FCRL1: variants seen among roughly 807,000 people sequenced by gnomAD.
The protein encoded by FCRL1 is Fc receptor like 1.
In FCRL1, 34 loss-of-function variants were observed where a neutral mutation model predicts 49.2. The observed-to-expected ratio is 0.69, with a 90% CI of 0.53 to 0.92. The LOEUF is 0.92. Among genes scored for constraint, FCRL1 ranks in the 40% least tolerant of loss-of-function variants. The pLI, the probability that FCRL1 is intolerant of heterozygous loss-of-function variation, is 0.00. For missense variants in FCRL1, 524 were observed against 524.1 expected (o/e 1.00, Z 0.00); for synonymous variants, 218 against 201.6 (o/e 1.08, Z -0.69).
rs1651403206 is a variant in FCRL1 at position 157,795,995 on chromosome 1, A to T, written c.*104T>A. On this transcript the variant is annotated 3_prime_UTR_variant, in exon 11 of 11. Coordinates refer to ENST00000368176, the MANE Select transcript of FCRL1 (RefSeq NM_052938.5). ...TAGTGCCATGGAGAATGGCATCCAG[A>T]AGAGGTATACTGGAAAGCTAATGCC... is the stretch of plus-strand genomic sequence containing the variant. 1 of 939,238 alleles carries T rather than the reference A, an allele frequency of 1.1e-6. No homozygotes were observed. Among genetic ancestry groups the T allele is most frequent in the Non-Finnish European group, 1.7e-6 (1 of 577,126 alleles). The allele number at this position is 939,238 out of a possible 1,614,324, so 58.2% of individuals were successfully genotyped here.
chr1:157,808,601 G>A (rs2101876722), intron 1 of FCRL1, among the ~76,000 whole-genome samples: 1 of 152,292 alleles, frequency 6.6e-6, no homozygotes, highest in South Asian at 2.1e-4. Flanking sequence ...TTATGGACTT[G>A]GCAATAGTTT....
rs1328444271 is a variant in FCRL1 at position 157,800,069 on chromosome 1, C to T, written c.1020G>A (p.Arg340=). 2 of 1,613,222 alleles carry T rather than the reference C, an allele frequency of 1.2e-6. No homozygotes were observed. Among genetic ancestry groups the T allele is most frequent in the Non-Finnish European group, 1.7e-6 (2 of 1,179,472 alleles). The change falls in exon 7 of 11, where the codon AGG becomes AGA. Residue 340 remains arginine, a synonymous_variant. Coordinates refer to ENST00000368176, the MANE Select transcript of FCRL1 (RefSeq NM_052938.5). ...LKRKIGRRSA[R]DPLRSLPSPL... ...AAAACAGGCCTCACCTGAGTGGATCCCTGGCTGAACGTCTTCCTGAAAGAA... is the reference window on the plus strand; with the variant it reads ...AAAACAGGCCTCACCTGAGTGGATCTCTGGCTGAACGTCTTCCTGAAAGAA...
intron 1 of FCRL1, 79 bp from the exon 2 acceptor site, chr1:157,807,201 C>T: frequency 1.3e-6 from 2 of 1,481,564 alleles, no homozygotes; most frequent in Non-Finnish European, 1.9e-6. Flanking sequence ...TTGAGAGCTT[C>T]CCCAACACCA....
chr1:157,808,481 G>A (rs542184192), intron 1 of FCRL1, among the ~76,000 whole-genome samples: 191 of 152,286 alleles, frequency 1.3e-3, no homozygotes, highest in African/African-American at 4.4e-3. Context: ...GAGGAAATAC[G>A]CTTGTACAAG....
At chr1:157,814,005 G>A (rs1404691879) in intron 1 of FCRL1, among the ~76,000 whole-genome samples, 1 of 152,086 alleles carries the variant, frequency 6.6e-6, no homozygotes, top group African/African-American at 2.4e-5. Context: ...CAGAAATGAA[G>A]GAGAGATAAA....
chr1:157,819,494 C>T (rs1431285826), intron 1 of FCRL1, among the ~76,000 whole-genome samples: 11 of 151,782 alleles, frequency 7.2e-5, no homozygotes, highest in Admixed American at 7.2e-4. Context: ...AAAAGTAGCC[C>T]TGGGGTAATT....
chr1:157,807,520 C>G (rs1425917098), intron 1 of FCRL1, among the ~76,000 whole-genome samples: 1 of 152,126 alleles, frequency 6.6e-6, no homozygotes, highest in Non-Finnish European at 1.5e-5. Context: ...ATTCCCATTC[C>G]CACCGCCTCC....
chr1:157,819,958 G>T (rs934706411), intron 1 of FCRL1, 49 bp downstream of exon 1: 14 of 1,611,264 alleles, frequency 8.7e-6, no homozygotes, highest in Non-Finnish European at 1.2e-5. Flanking sequence ...AGGAAGCAGA[G>T]CCCAAGCATG....
At position 157,797,902 on chromosome 1, in the gene FCRL1, C is replaced by T. The variant is rs376569181; in HGVS notation, c.1152G>A (p.Ala384=). ...ATTCCTGCTCCGGCTGGTTATAGTA[C>T]GCCAGTGAATAAACCTCATCCCCAC... ...VVSGDEVYSL[A]YYNQPEQESV... is the part of the protein sequence containing the mutation. The change falls in exon 9 of 11, where the codon GCG becomes GCA. Residue 384 remains alanine, a synonymous_variant. Coordinates refer to ENST00000368176, the MANE Select transcript of FCRL1 (RefSeq NM_052938.5). 1.9e-5 allele frequency: 30 copies of T among 1,614,024 alleles called. No individual in the cohort carries two copies. The highest frequency in any genetic ancestry group is 6.7e-5 in the East Asian group (3 of 44,894).
At chr1:157,819,729 A>T (rs1655532964) in intron 1 of FCRL1, among the ~76,000 whole-genome samples, 1 of 152,166 alleles carries the variant, frequency 6.6e-6, no homozygotes, top group African/African-American at 2.4e-5. Flanking sequence ...AGCTGTTGAA[A>T]ACACTGAGAA....
chr1:157,818,545 T>C (rs1655361020), intron 1 of FCRL1, among the ~76,000 whole-genome samples: 1 of 152,028 alleles, frequency 6.6e-6, no homozygotes, highest in Admixed American at 6.6e-5. Flanking sequence ...TCAAGGGATA[T>C]ATAATTACAG....
chr1:157,813,092 G>A (rs909616188), intron 1 of FCRL1, among the ~76,000 whole-genome samples: 8 of 152,118 alleles, frequency 5.3e-5, no homozygotes, highest in African/African-American at 1.9e-4. Context: ...CGGCACCCTA[G>A]GATCAATCTG....
rs755622394 is a variant in FCRL1, at chr1:157,797,926, A to T, written c.1128T>A (p.Ser376Arg). The T allele has an allele frequency of 2.4e-5, 38 of 1,613,940 alleles. No homozygotes were observed. The highest frequency in any genetic ancestry group is 3.1e-5 in the Non-Finnish European group (36 of 1,180,002). The change falls in exon 9 of 11, where the codon AGT (serine) becomes AGA (arginine). Residue 376 changes from serine to arginine, a missense_variant. Transcript: ENST00000368176. ...QPIYENVNVV[S>R]GDEVYSLAYY... is the part of the protein sequence containing the mutation. ...ACGCCAGTGAATAAACCTCATCCCC[A>T]CTTACAACATTCACTGCAAGAGAAG...
intron 1 of FCRL1, 99 bp downstream of exon 1, chr1:157,819,908 C>T: frequency 7.0e-7 from 1 of 1,435,296 alleles, no homozygotes; most frequent in Non-Finnish European, 9.8e-7. Context: ...TGAGCATTAC[C>T]TGACAGAACC....
At chr1:157,819,657 G>A (rs932923714) in intron 1 of FCRL1, among the ~76,000 whole-genome samples, 7 of 152,018 alleles carry the variant, frequency 4.6e-5, no homozygotes, top group South Asian at 2.1e-4. Context: ...AGGAAATAAC[G>A]TTGGTAGTAA....
chr1:157,819,437 T>C (rs1370180079), intron 1 of FCRL1, among the ~76,000 whole-genome samples: 2 of 152,158 alleles, frequency 1.3e-5, no homozygotes, highest in Non-Finnish European at 2.9e-5. Context: ...GAATCTGAGC[T>C]GAGCACCATG....
At chr1:157,816,193 T>C (rs1300520186) in intron 1 of FCRL1, among the ~76,000 whole-genome samples, 1 of 151,814 alleles carries the variant, frequency 6.6e-6, no homozygotes, top group African/African-American at 2.4e-5. Flanking sequence ...GATGTGCAAA[T>C]TCTCAACAAA....
chr1:157,796,123 A>T lies in FCRL1; in HGVS notation c.1266T>A (p.Asp422Glu). 6.2e-7 allele frequency: 1 copy of T among 1,614,070 alleles called. No individual in the cohort carries two copies. The highest frequency in any genetic ancestry group is 8.5e-7 in the Non-Finnish European group (1 of 1,179,942). The change falls in exon 11 of 11, where the codon GAT becomes GAA. Residue 422 changes from aspartate to glutamate, a missense_variant. Transcript: ENST00000368176. ...CTTACATAGCATCTTCATAGTCCAC[A>T]TCTGTAATGTTTGCTTTCCTCAGCC... ...YSRLRKANIT[D>E]VDYEDAM
Position 157,797,942 on chromosome 1 carries a change from G to T in FCRL1, c.1115-3C>A. The T allele has an allele frequency of 6.2e-7, 1 of 1,614,040 alleles. No homozygotes were observed. The highest frequency in any genetic ancestry group is 8.5e-7 in the Non-Finnish European group (1 of 1,179,892). ...CTCATCCCCACTTACAACATTCACT[G>T]CAAGAGAAGGAGGGAGACTTCATGA... On this transcript the variant is annotated splice_polypyrimidine_tract_variant and splice_region_variant and intron_variant, in intron 8 of 10. Transcript: ENST00000368176.
Sources: gnomAD v4.1 joint callset for allele counts (sites outside exome capture counted in the v4.1 genomes callset) on GRCh38, gnomAD v4.1.1 for gene constraint, MANE v1.5 for transcripts, NCBI Gene and HGNC (gene_info 2026-07-23, HGNC 2026-07-21) for gene names.